The following CLVS1 variants were observed in gnomAD, a reference collection of about 807,000 sequenced individuals.
CLVS1 encodes the protein clavesin 1.
Under a neutral mutation model 33.1 loss-of-function variants are expected in CLVS1, and 10 were observed. That is an observed-to-expected ratio of 0.30 (90% CI 0.19 to 0.51). CLVS1 has a LOEUF of 0.51. Among genes scored for constraint, CLVS1 ranks in the 20% least tolerant of loss-of-function variants. CLVS1 has a pLI of 0.97. For missense variants in CLVS1, 343 were observed against 433.4 expected, an observed-to-expected ratio of 0.79 and a Z score of 1.85; for synonymous variants, 163 against 166.1, an observed-to-expected ratio of 0.98 and a Z score of 0.14.
At chr8:61,450,648 T>C (rs949501925) in intron 3 of CLVS1, among the ~76,000 whole-genome samples, 2 of 152,208 alleles carry the variant, frequency 1.3e-5, no homozygotes, top group African/African-American at 4.8e-5. Flanking sequence ...ATATAATTGC[T>C]GTTTTCAGTT....
chr8:61,266,779 T>A (rs527712446), intron 2 of CLVS1, among the ~76,000 whole-genome samples: 1 of 152,186 alleles, frequency 6.6e-6, no homozygotes, highest in African/African-American at 2.4e-5. Flanking sequence ...TCCAGATTTG[T>A]TTTTTTATTT....
chr8:61,484,244 G>A (rs974139469), intron 5 of CLVS1, among the ~76,000 whole-genome samples: 5 of 152,144 alleles, frequency 3.3e-5, no homozygotes, highest in Non-Finnish European at 5.9e-5. Flanking sequence ...CTTCAGCAAA[G>A]TCTCAGGATA....
At chr8:61,476,737 C>G (rs1294702096) in intron 5 of CLVS1, among the ~76,000 whole-genome samples, 1 of 152,136 alleles carries the variant, frequency 6.6e-6, no homozygotes, top group Non-Finnish European at 1.5e-5. Context: ...ATCATGTCAT[C>G]TTCAAACAGG....
rs146906067 is a variant in CLVS1 at position 61,204,612 on chromosome 8, C to T, written c.-152+72752C>T. ...TAAATGACATTAAGTACATTATTTC[C>T]TCATTAAAAATAAAAGAATTTCATA... On this transcript the variant is annotated intron_variant, in intron 2 of 2. Transcript: ENST00000522621. 6.6e-5 allele frequency among the ~76,000 whole-genome samples: 10 copies of T among 152,198 alleles called. No homozygotes were observed. The Middle Eastern group carries it at 0.01, about 156-fold the overall frequency.
chr8:61,002,327 G>GTATTTTT, the CLVS1 span, among the ~76,000 whole-genome samples: 1 of 98,818 alleles, frequency 1.0e-5, no homozygotes, highest in South Asian at 3.7e-4. Context: ...ATGCTTGCTT[G>GTATTTTT]TTTTTTTTTT....
Position 61,166,440 on chromosome 8 carries a change from C to T in CLVS1, c.-152+34580C>T, listed in dbSNP as rs537180085. On this transcript the variant is annotated intron_variant, in intron 2 of 2. Transcript: ENST00000522621. The stretch of plus-strand genomic sequence containing the variant: ...TGAGCCACCGTGCCCGACCTGAAAG[C>T]CGTTATTTATTTTGGTCTCATGTGC... Among the ~76,000 whole-genome samples the T allele has an allele frequency of 2.0e-3, 302 of 152,140 alleles. 1 individual carries two copies. Among genetic ancestry groups the T allele is most frequent in the African/African-American group, 6.8e-3 (282 of 41,500 alleles).
rs181885220 is a variant in CLVS1 at position 61,089,798 on chromosome 8, G to T, written c.-243+32568G>T. Among the ~76,000 whole-genome samples the T allele has an allele frequency of 3.3e-5, 5 of 152,100 alleles. No homozygotes were observed. In the East Asian group the frequency reaches 9.7e-4, roughly 29 times the overall value. ...CTAGCTGGGCATGGGGCATGTACCT[G>T]CAGTCCTAGCTACTTTGGGAGGCTG... On this transcript the variant is annotated intron_variant, in intron 1 of 2. Transcript: ENST00000522621.
chr8:61,278,250 C>A (rs965871571), intron 2 of CLVS1, among the ~76,000 whole-genome samples: 10 of 152,118 alleles, frequency 6.6e-5, no homozygotes, highest in African/African-American at 2.2e-4. Flanking sequence ...AAACAGAAGG[C>A]CTTTTCTCTC....
intron 3 of CLVS1, among the ~76,000 whole-genome samples, chr8:61,395,919 T>C (rs1814508244): frequency 6.6e-6 from 1 of 152,198 alleles, no homozygotes; most frequent in South Asian, 2.1e-4. Flanking sequence ...GCTTTAAGAC[T>C]ATTTTCTCCT....
chr8:61,229,498 G>T (rs138424090), intron 2 of CLVS1, among the ~76,000 whole-genome samples: 1 of 152,320 alleles, frequency 6.6e-6, no homozygotes, highest in East Asian at 1.9e-4. Context: ...TGGGATTTAA[G>T]CCACTGTGAG....
chr8:61,467,477 C>A (rs1324664857), intron 5 of CLVS1, among the ~76,000 whole-genome samples: 2 of 152,126 alleles, frequency 1.3e-5, no homozygotes, highest in Admixed American at 1.3e-4. Flanking sequence ...TGCCTCTGAA[C>A]CCATCACCAT....
intron 3 of CLVS1, among the ~76,000 whole-genome samples, chr8:61,401,559 G>A (rs145272092): frequency 6.6e-5 from 10 of 152,182 alleles, no homozygotes; most frequent in African/African-American, 9.6e-5. Flanking sequence ...AATCAGAGGC[G>A]GCACAAACAA....
chr8:61,421,602 C>G (rs1815668862), intron 3 of CLVS1, among the ~76,000 whole-genome samples: 1 of 152,180 alleles, frequency 6.6e-6, no homozygotes, highest in East Asian at 1.9e-4. Flanking sequence ...ATTAACCCAG[C>G]TATACCATTC....
chr8:61,332,318 A>T (rs1811629504), intron 2 of CLVS1, among the ~76,000 whole-genome samples: 1 of 151,952 alleles, frequency 6.6e-6, no homozygotes, highest in Non-Finnish European at 1.5e-5. Flanking sequence ...GCTGGGTGGG[A>T]TCTGGGTGTT....
chr8:61,337,178 T>C (rs1811838027), intron 2 of CLVS1, among the ~76,000 whole-genome samples: 1 of 152,170 alleles, frequency 6.6e-6, no homozygotes, highest in Non-Finnish European at 1.5e-5. Flanking sequence ...TAGACCAAAG[T>C]AGTAAACACT....
chr8:61,186,998 T>A (rs1433645849), intron 2 of CLVS1, among the ~76,000 whole-genome samples: 1 of 152,200 alleles, frequency 6.6e-6, no homozygotes, highest in African/African-American at 2.4e-5. Flanking sequence ...TTTACTCAGA[T>A]CCTGCTATGT....
chr8:61,420,560 C>T (rs1447597664), intron 3 of CLVS1, among the ~76,000 whole-genome samples: 2 of 151,988 alleles, frequency 1.3e-5, no homozygotes, highest in Non-Finnish European at 2.9e-5. Flanking sequence ...CGAGATCGCA[C>T]CACTGCACTC....
intron 2 of CLVS1, among the ~76,000 whole-genome samples, chr8:61,272,364 C>T (rs985203646): frequency 9.2e-5 from 14 of 152,224 alleles, no homozygotes; most frequent in South Asian, 2.1e-4. Flanking sequence ...GAGAGATCCG[C>T]TGTTAGTCTG....
intron 2 of CLVS1, among the ~76,000 whole-genome samples, chr8:61,250,633 A>C (rs1288248995): frequency 6.6e-6 from 1 of 152,136 alleles, no homozygotes; most frequent in Admixed American, 6.5e-5. Flanking sequence ...GGTCCTTCAC[A>C]TCCCTTGTAA....
Sources: allele counts gnomAD v4.1 joint callset (sites outside exome capture counted in the v4.1 genomes callset), GRCh38; gene constraint gnomAD v4.1.1; transcripts MANE v1.5; gene names NCBI Gene and HGNC (gene_info 2026-07-23, HGNC 2026-07-21).